ASIC2: variants seen among roughly 807,000 people sequenced by gnomAD.
The protein encoded by ASIC2 is acid-sensing ion channel 2.
ASIC2 carries 25 observed loss-of-function variants against 57.3 expected under a neutral mutation model. The observed-to-expected ratio is 0.44, with a 90% CI of 0.32 to 0.61. The LOEUF is 0.61. Among genes scored for constraint, ASIC2 ranks in the 20% least tolerant of loss-of-function variants. The pLI, the probability that ASIC2 is intolerant of heterozygous loss-of-function variation, is 0.06. For missense variants in ASIC2, 641 were observed against 738.1 expected (o/e 0.87, Z 1.52); for synonymous variants, 319 against 307.5 (o/e 1.04, Z -0.39).
In ASIC2 at chr17:34,015,834, G is replaced by T. The variant is rs139757590; in HGVS notation, c.555+140144C>A. Among the ~76,000 whole-genome samples the T allele has an allele frequency of 3.9e-5, 6 of 152,332 alleles. No individual in the cohort carries two copies. The East Asian group carries it at 9.6e-4, about 24-fold the overall frequency. ...AAACAAACAAAACATTTTACTAGTT[G>T]TGTGACCTTGGGCAAATGCCCAACC... On this transcript the variant is annotated intron_variant, in intron 1 of 9. Transcript: ENST00000359872.
At chr17:34,022,582 A>T (rs1259860810) in intron 1 of ASIC2, among the ~76,000 whole-genome samples, 1 of 151,836 alleles carries the variant, frequency 6.6e-6, no homozygotes, top group Non-Finnish European at 1.5e-5. Flanking sequence ...GTGTAACCCA[A>T]ATATAATCTA....
chr17:33,157,157 CTGGTCAG>C (rs2142035490), intron 1 of ASIC2, among the ~76,000 whole-genome samples: 1 of 152,280 alleles, frequency 6.6e-6, no homozygotes, highest in South Asian at 2.1e-4. Context: ...GTCCCTCTCC[CTGGTCAG>C]TGAAATGAGA....
chr17:33,491,015 T>C (rs1388496823), intron 1 of ASIC2, among the ~76,000 whole-genome samples: 2 of 152,130 alleles, frequency 1.3e-5, no homozygotes, highest in African/African-American at 4.8e-5. Flanking sequence ...TTCACTGAGG[T>C]CGCTCTTCCC....
intron 1 of ASIC2, among the ~76,000 whole-genome samples, chr17:34,150,137 C>T (rs1904461878): frequency 6.6e-6 from 1 of 152,156 alleles, no homozygotes; most frequent in South Asian, 2.1e-4. Flanking sequence ...AAGTCAGGCA[C>T]AGAAAGACAA....
intron 1 of ASIC2, among the ~76,000 whole-genome samples, chr17:33,339,470 T>G (rs962933404): frequency 6.6e-6 from 1 of 152,254 alleles, no homozygotes; most frequent in Non-Finnish European, 1.5e-5. Context: ...ATTTGGCCTG[T>G]GGATCATAGG....
At chr17:34,131,411 A>G (rs372750543) in intron 1 of ASIC2, among the ~76,000 whole-genome samples, 70 of 152,334 alleles carry the variant, frequency 4.6e-4, no homozygotes, top group African/African-American at 1.6e-3. Context: ...CCTAGGCCCC[A>G]GAAGAGTCAT....
intron 1 of ASIC2, among the ~76,000 whole-genome samples, chr17:33,513,607 G>A (rs568780192): frequency 6.6e-6 from 1 of 152,340 alleles, no homozygotes; most frequent in Non-Finnish European, 1.5e-5. Flanking sequence ...GTGCCAGCTA[G>A]GTTGGGCATT....
intron 1 of ASIC2, among the ~76,000 whole-genome samples, chr17:34,021,003 C>T (rs1401971163): frequency 6.6e-6 from 1 of 152,140 alleles, no homozygotes; most frequent in Non-Finnish European, 1.5e-5. Flanking sequence ...GACTGTCACT[C>T]CCACCCATTC....
intron 1 of ASIC2, among the ~76,000 whole-genome samples, chr17:33,511,673 G>T (rs901012315): frequency 6.6e-6 from 1 of 152,178 alleles, no homozygotes; most frequent in Admixed American, 6.5e-5. Flanking sequence ...CAGAGAACTT[G>T]GGGTCCCCTT....
At chr17:33,487,942 G>T (rs1913627881) in intron 1 of ASIC2, among the ~76,000 whole-genome samples, 1 of 152,150 alleles carries the variant, frequency 6.6e-6, no homozygotes, top group African/African-American at 2.4e-5. Flanking sequence ...AGGTTTTGGG[G>T]ACTCAGACTG....
chr17:33,268,111 G>A (rs1353524229), intron 1 of ASIC2, among the ~76,000 whole-genome samples: 2 of 152,170 alleles, frequency 1.3e-5, no homozygotes, highest in African/African-American at 4.8e-5. Context: ...TCATTCCAGG[G>A]ACAGCGCCCT....
At chr17:33,377,678 A>G (rs1909330297) in intron 1 of ASIC2, among the ~76,000 whole-genome samples, 1 of 152,210 alleles carries the variant, frequency 6.6e-6, no homozygotes, top group Non-Finnish European at 1.5e-5. Flanking sequence ...AATCTGGATG[A>G]CATCACACCA....
chr17:33,188,949 T>G (rs1390619282), intron 1 of ASIC2, among the ~76,000 whole-genome samples: 5 of 152,150 alleles, frequency 3.3e-5, no homozygotes, highest in African/African-American at 1.2e-4. Context: ...AACAATGTGT[T>G]GTGGGGTTTA....
chr17:33,790,718 ATCTATCATC>A (rs996340221), intron 1 of ASIC2, among the ~76,000 whole-genome samples: 18 of 152,216 alleles, frequency 1.2e-4, no homozygotes, highest in Non-Finnish European at 2.4e-4. Context: ...TATACATTAC[ATCTATCATC>A]TCTATCATCT....
intron 1 of ASIC2, among the ~76,000 whole-genome samples, chr17:34,040,248 C>A (rs1298877669): frequency 6.8e-6 from 1 of 147,832 alleles, no homozygotes; most frequent in Non-Finnish European, 1.5e-5. Context: ...TCGGGTGCGG[C>A]GCGGAGGGCG....
chr17:33,955,791 C>G (rs1904717139), intron 1 of ASIC2, among the ~76,000 whole-genome samples: 1 of 152,180 alleles, frequency 6.6e-6, no homozygotes, highest in Non-Finnish European at 1.5e-5. Flanking sequence ...ATCCCAACTG[C>G]TTATGTTTTT....
intron 1 of ASIC2, among the ~76,000 whole-genome samples, chr17:33,856,601 C>A (rs1913962305): frequency 8.3e-5 from 2 of 24,148 alleles, no homozygotes. Context: ...TAACAGGAAG[C>A]AGCTCAGAGG....
intron 1 of ASIC2, among the ~76,000 whole-genome samples, chr17:33,535,272 T>C (rs1055598171): frequency 4.0e-5 from 6 of 149,952 alleles, no homozygotes; most frequent in African/African-American, 1.5e-4. Flanking sequence ...AAAATGTCGC[T>C]TCTTTTTTTT....
At chr17:33,993,684 A>G (rs1438972537) in intron 1 of ASIC2, among the ~76,000 whole-genome samples, 1 of 152,192 alleles carries the variant, frequency 6.6e-6, no homozygotes, top group Non-Finnish European at 1.5e-5. Context: ...ATAAATGGAT[A>G]CATCTGGATG....
Sources: allele counts gnomAD v4.1 joint callset (sites outside exome capture counted in the v4.1 genomes callset), GRCh38; gene constraint gnomAD v4.1.1; transcripts MANE v1.5; gene names NCBI Gene and HGNC (gene_info 2026-07-23, HGNC 2026-07-21).